The following MRPL22 variants were observed in gnomAD, a reference collection of about 807,000 sequenced individuals.
MRPL22 encodes the protein mitochondrial ribosomal protein L22.
A neutral mutation model predicts 32.4 loss-of-function variants in MRPL22; 27 were observed. The observed-to-expected ratio is 0.83, with a 90% CI of 0.61 to 1.15. The LOEUF is 1.15. Ranked by LOEUF, MRPL22 falls within the 50% of genes most tolerant of loss-of-function variation. The pLI is 0.00. For missense variants in MRPL22, 239 were observed against 260.2 expected, an observed-to-expected ratio of 0.92 and a Z score of 0.56; for synonymous variants, 86 against 87.3, an observed-to-expected ratio of 0.99 and a Z score of 0.08.
chr5:154,960,401 A>G (rs562992689), intron 6 of MRPL22, among the ~76,000 whole-genome samples: 1 of 152,362 alleles, frequency 6.6e-6, no homozygotes, highest in East Asian at 1.9e-4. Context: ...AGAAGGAGGT[A>G]AATAATCACA....
At chr5:154,951,987 A>G (rs1260543993) in intron 3 of MRPL22, among the ~76,000 whole-genome samples, 2 of 148,220 alleles carry the variant, frequency 1.3e-5, no homozygotes, top group South Asian at 2.1e-4. Context: ...GGTTCACGCC[A>G]TTCTCCTGTC....
At chr5:154,953,559 C>G (rs1764593477) in intron 3 of MRPL22, among the ~76,000 whole-genome samples, 1 of 151,454 alleles carries the variant, frequency 6.6e-6, no homozygotes, top group African/African-American at 2.4e-5. Flanking sequence ...TATTTTTCCT[C>G]TTTTTCTTCA....
intron 5 of MRPL22, 113 bp from the exon 6 acceptor site, chr5:154,959,867 C>T: frequency 2.9e-6 from 2 of 700,358 alleles, no homozygotes; most frequent in Non-Finnish European, 4.8e-6. Flanking sequence ...TTAAAATTGA[C>T]TATGGAAGCA....
chr5:154,948,193 T>A (rs1764516467), intron 2 of MRPL22, among the ~76,000 whole-genome samples: 1 of 152,222 alleles, frequency 6.6e-6, no homozygotes, highest in Non-Finnish European at 1.5e-5. Context: ...ATGGCCAATG[T>A]TATTTATAAC....
intron 3 of MRPL22, chr5:154,956,165 A>C: frequency 2.0e-6 from 1 of 507,064 alleles, no homozygotes. Flanking sequence ...CTCCCGTAGT[A>C]ATCTTTTAAC....
chr5:154,958,989 G>A (rs1561741786), intron 5 of MRPL22: 1 of 152,092 alleles, frequency 6.6e-6, no homozygotes. Context: ...ATGGTTATTT[G>A]CATCCAAAGT....
chr5:154,957,276 T>C, intron 5 of MRPL22, 64 bp downstream of exon 5: 1 of 1,339,482 alleles, frequency 7.5e-7, no homozygotes. Context: ...GTCTTGCAAT[T>C]ATTAGTAAGC....
At chr5:154,958,606 G>A (rs1007069622) in intron 5 of MRPL22, among the ~76,000 whole-genome samples, 3 of 140,140 alleles carry the variant, frequency 2.1e-5, no homozygotes, top group Admixed American at 7.8e-5. Flanking sequence ...GTACAGTGGC[G>A]CCATCTCCGC....
chr5:154,951,180 A>C (rs2075021421), intron 3 of MRPL22, among the ~76,000 whole-genome samples: 1 of 152,230 alleles, frequency 6.6e-6, no homozygotes, highest in Non-Finnish European at 1.5e-5. Flanking sequence ...AGTTTAAGAC[A>C]TACTGATTTT....
At chr5:154,950,986 C>T in intron 3 of MRPL22, 48 bp downstream of exon 3, 2 of 1,158,350 alleles carry the variant, frequency 1.7e-6, no homozygotes. Flanking sequence ...AGTGCTCTTA[C>T]TCTTAAGTGA....
intron 2 of MRPL22, among the ~76,000 whole-genome samples, chr5:154,947,501 T>G (rs1196856584): frequency 6.6e-6 from 1 of 152,238 alleles, no homozygotes; most frequent in Admixed American, 6.5e-5. Flanking sequence ...TAGATTTGTT[T>G]GAGTCTTTGG....
At chr5:154,941,186 T>C (rs780728843) in intron 1 of MRPL22, 31 bp from the exon 2 acceptor site, 3 of 1,613,974 alleles carry the variant, frequency 1.9e-6, no homozygotes, top group African/African-American at 2.7e-5. Flanking sequence ...CGAGATGGAA[T>C]CTGAGTTGAC....
At position 154,967,811 on chromosome 5, in the gene MRPL22, C is replaced by A. The variant is rs1221645274; in HGVS notation, c.*914C>A. On this transcript the variant is annotated 3_prime_UTR_variant, in exon 7 of 7. Coordinates refer to ENST00000523037, the MANE Select transcript of MRPL22 (RefSeq NM_014180.4). This position sits in a 1 kb window ranked among gnomAD's most constrained non-coding sequence, Gnocchi z 4.7. ...AATCGAGGATGCTTGCTTGTTAATG[C>A]AGACTTCTGGGCCCCACCCCAATGA... 1 of 152,198 alleles carries A rather than the reference C, an allele frequency of 6.6e-6. No homozygotes were observed. Among genetic ancestry groups the A allele is most frequent in the Admixed American group, 6.5e-5 (1 of 15,280 alleles). The allele number at this position is 152,198 out of a possible 1,614,324, so 9.4% of individuals were successfully genotyped here. A position where few individuals can be genotyped will look rare whatever the true frequency, so the allele number is the denominator to read the frequency against.
rs1764789165 is a variant in MRPL22, at chr5:154,967,839, C to A, written c.*942C>A. Reference sequence around the variant, plus strand: ...ACTTCTGGGCCCCACCCCAATGATTCAATTCACTAGGTCTTATGGGGGGCT... The same window carrying A: ...ACTTCTGGGCCCCACCCCAATGATTAAATTCACTAGGTCTTATGGGGGGCT... On this transcript the variant is annotated 3_prime_UTR_variant, in exon 7 of 7. Transcript: ENST00000523037. This position sits in a 1 kb window ranked among gnomAD's most constrained non-coding sequence, Gnocchi z 4.7. 6.6e-6 allele frequency: 1 copy of A among 152,196 alleles called. No homozygotes were observed. The highest frequency in any genetic ancestry group is 1.5e-5 in the Non-Finnish European group (1 of 68,042). The allele number at this position is 152,196 out of a possible 1,614,324, so 9.4% of individuals were successfully genotyped here. A position where few individuals can be genotyped will look rare whatever the true frequency, so the allele number is the denominator to read the frequency against.
At chr5:154,942,524 T>C (rs1764433287) in intron 2 of MRPL22, among the ~76,000 whole-genome samples, 1 of 152,222 alleles carries the variant, frequency 6.6e-6, no homozygotes, top group Non-Finnish European at 1.5e-5. Context: ...CCAACCATGC[T>C]GATTTACTTA....
Position 154,957,164 on chromosome 5 carries a change from G to A in MRPL22, c.291G>A (p.Leu97=). 6.2e-7 allele frequency: 1 copy of A among 1,613,534 alleles called. No homozygotes were observed. Among genetic ancestry groups the A allele is most frequent in the South Asian group, 1.1e-5 (1 of 91,040 alleles). Residue 97 remains leucine (L), a synonymous_variant, in exon 5 of 7, where the codon TTG becomes TTA. Transcript: ENST00000523037. ...GAGGAATGTCTATTGACCAGGCTTT[G>A]GCTCAGTTGGAATTCAATGACAAAA... is the stretch of plus-strand genomic sequence containing the variant. The part of the protein sequence containing the change: ...LIRGMSIDQA[L]AQLEFNDKKG...
chr5:154,966,456 G>A (rs1764767888), intron 6 of MRPL22, among the ~76,000 whole-genome samples: 2 of 152,272 alleles, frequency 1.3e-5, no homozygotes, highest in East Asian at 3.9e-4. Flanking sequence ...TAAACTGCTT[G>A]GAGGCAGGGG....
At chr5:154,947,639 G>T (rs764781214) in intron 2 of MRPL22, among the ~76,000 whole-genome samples, 6 of 152,130 alleles carry the variant, frequency 3.9e-5, no homozygotes, top group Non-Finnish European at 7.4e-5. Flanking sequence ...AAATGTTTAC[G>T]CAGTATCCAC....
chr5:154,957,345 C>T (rs1764644084), intron 5 of MRPL22, 133 bp downstream of exon 5: 3 of 671,606 alleles, frequency 4.5e-6, no homozygotes, highest in African/African-American at 3.6e-5. Context: ...TTATATAATA[C>T]AGATTTAGGG....
Sources: gnomAD v4.1 joint callset for allele counts (sites outside exome capture counted in the v4.1 genomes callset) on GRCh38, gnomAD v4.1.1 for gene constraint, Gnocchi (gnomAD v3.1) non-coding constraint, MANE v1.5 for transcripts, NCBI Gene and HGNC (gene_info 2026-07-23, HGNC 2026-07-21) for gene names.